The following EPB41L4A variants were observed in gnomAD, a reference collection of about 807,000 sequenced individuals.
EPB41L4A encodes band 4.1-like protein 4A.
In EPB41L4A, 100 loss-of-function variants were observed where a neutral mutation model predicts 108.6. The ratio of observed to expected loss-of-function variants is 0.92; its 90% CI spans 0.78 to 1.09. The LOEUF (loss-of-function observed/expected upper bound fraction) is 1.09. Ranked by LOEUF, EPB41L4A falls within the 50% of genes least tolerant of loss-of-function variation. EPB41L4A has a pLI of 0.00. For missense variants in EPB41L4A, 1,030 were observed against 842.7 expected, an observed-to-expected ratio of 1.22 and a Z score of -2.75; for synonymous variants, 319 against 289.0, an observed-to-expected ratio of 1.10 and a Z score of -1.05.
At chr5:112,226,001 C>T (rs1031395093) in intron 12 of EPB41L4A, among the ~76,000 whole-genome samples, 3 of 152,166 alleles carry the variant, frequency 2.0e-5, no homozygotes, top group African/African-American at 7.2e-5. Flanking sequence ...TAATGCTCAG[C>T]GATCATTAGT....
intron 1 of EPB41L4A, among the ~76,000 whole-genome samples, chr5:112,339,419 G>C (rs1757119121): frequency 1.3e-5 from 2 of 148,420 alleles, no homozygotes; most frequent in South Asian, 2.1e-4. Context: ...TAACAATACA[G>C]TAACAAATAA....
intron 3 of EPB41L4A, among the ~76,000 whole-genome samples, chr5:112,276,747 G>T (rs1460092782): frequency 3.3e-5 from 5 of 152,144 alleles, no homozygotes; most frequent in Admixed American, 2.0e-4. Flanking sequence ...AAGGTATCAT[G>T]TATTTATAAC....
At chr5:112,408,077 T>C (rs898952531) in intron 1 of EPB41L4A, among the ~76,000 whole-genome samples, 4 of 152,198 alleles carry the variant, frequency 2.6e-5, no homozygotes, top group East Asian at 1.9e-4. Flanking sequence ...ATCAATGGGA[T>C]AGAATTCAGA....
intron 12 of EPB41L4A, among the ~76,000 whole-genome samples, chr5:112,151,333 C>T (rs1328714279): frequency 6.7e-6 from 1 of 149,388 alleles, no homozygotes; most frequent in Non-Finnish European, 1.5e-5. Flanking sequence ...TAGCATCAGA[C>T]ATTTCTAAGG....
At chr5:112,197,270 A>G (rs934458896) in intron 15 of EPB41L4A, among the ~76,000 whole-genome samples, 1 of 152,152 alleles carries the variant, frequency 6.6e-6, no homozygotes, top group East Asian at 1.9e-4. Flanking sequence ...AAACTTTTGG[A>G]GAGTGGTGTC....
intron 12 of EPB41L4A, among the ~76,000 whole-genome samples, chr5:112,222,065 CCT>C (rs1407632449): frequency 1.3e-5 from 2 of 152,178 alleles, no homozygotes; most frequent in African/African-American, 2.4e-5. Context: ...TGCCTTTCCC[CCT>C]CTCTCTTGGC....
At chr5:112,277,172 G>A (rs1752676678) in intron 3 of EPB41L4A, among the ~76,000 whole-genome samples, 1 of 152,110 alleles carries the variant, frequency 6.6e-6, no homozygotes, top group Non-Finnish European at 1.5e-5. Context: ...TGTGCCCGCA[G>A]GCAGCTGGGG....
rs114796352 is a variant in EPB41L4A at position 112,206,690 on chromosome 5, T to C, written c.1179-1186A>G. Among the ~76,000 whole-genome samples the C allele has an allele frequency of 5.8e-3, 875 of 151,556 alleles. 3 individuals are homozygous for C. The highest frequency in any genetic ancestry group is 0.014 in the Middle Eastern group (4 of 294). On this transcript the variant is annotated intron_variant, in intron 13 of 22. Coordinates refer to ENST00000261486, the MANE Select transcript of EPB41L4A (RefSeq NM_022140.5). Reference sequence around the variant, plus strand: ...GGAGATAAAAGAGGAACTGAGAGAGTATACAAAAGTTAAAGAATAATAAAA... The same window carrying C: ...GGAGATAAAAGAGGAACTGAGAGAGCATACAAAAGTTAAAGAATAATAAAA...
rs1402210457 is a variant in EPB41L4A, at chr5:112,259,258, G to C, written c.766C>G (p.Gln256Glu). 1.2e-6 allele frequency: 2 copies of C among 1,613,792 alleles called. No individual in the cohort carries two copies. Among genetic ancestry groups the C allele is most frequent in the African/African-American group, 2.7e-5 (2 of 74,884 alleles). The stretch of plus-strand genomic sequence containing the variant: ...TTTCCCAGTACTCTGAGTTCAAATT[G>C]AGTCTCCTTGAAGTGAACCTTTGTA... ...RITKVHFKETQFELRVLGKDC... is the reference protein window; with the variant it reads ...RITKVHFKETEFELRVLGKDC... The change falls in exon 9 of 23, where the codon CAA becomes GAA. Residue 256 changes from glutamine (Q) to glutamate (E), a missense_variant. By Grantham distance (29) the Gln-to-Glu change is conservative. Transcript: ENST00000261486.
chr5:112,184,044 T>G lies in EPB41L4A; in HGVS notation c.1594A>C (p.Asn532His), dbSNP rs753114972. The change falls in exon 18 of 23, where the codon AAC becomes CAC. Residue 532 changes from asparagine to histidine, a missense_variant. Asn to His is a moderately conservative substitution (Grantham distance 68, BLOSUM62 1). Transcript: ENST00000261486. ...CGAGATCTGTGTCTGGATCGCCTGTTGTTGGGGTCGGCTTGGTTTTTTTCC... is the reference window on the plus strand; with the variant it reads ...CGAGATCTGTGTCTGGATCGCCTGTGGTTGGGGTCGGCTTGGTTTTTTTCC... ...QKEKNQADPN[N>H]RRSRHRSRSR... 3 of 1,614,106 alleles carry G rather than the reference T, an allele frequency of 1.9e-6. No individual in the cohort carries two copies. Among genetic ancestry groups the G allele is most frequent in the Non-Finnish European group, 2.5e-6 (3 of 1,179,966 alleles).
At chr5:112,284,554 A>T (rs182136612) in intron 2 of EPB41L4A, among the ~76,000 whole-genome samples, 63 of 152,222 alleles carry the variant, frequency 4.1e-4, no homozygotes, top group African/African-American at 1.5e-3. Context: ...CTCCTATTTC[A>T]AATGTATACT....
At chr5:112,244,757 G>A (rs781311465) in intron 9 of EPB41L4A, among the ~76,000 whole-genome samples, 16 of 152,162 alleles carry the variant, frequency 1.1e-4, no homozygotes, top group Non-Finnish European at 2.1e-4. Flanking sequence ...TTTTGAAAAT[G>A]TCTAGTCCTT....
intron 1 of EPB41L4A, among the ~76,000 whole-genome samples, chr5:112,312,524 A>G (rs72781678): frequency 0.15 from 22,610 of 151,906 alleles, 1,898 homozygotes; most frequent in African/African-American, 0.22. Flanking sequence ...AGGCACCTGG[A>G]GCAGGGCCAG....
Position 112,188,041 on chromosome 5 carries a change from C to G in EPB41L4A, c.1503-3906G>C, listed in dbSNP as rs543595948. On this transcript the variant is annotated intron_variant, in intron 17 of 22. Transcript: ENST00000261486. ...TCTCTATTTGTATTTTATTTCCAAA[C>G]CAGACAGACACACTGAAAGAAACTT... 3.9e-5 allele frequency among the ~76,000 whole-genome samples: 6 copies of G among 152,302 alleles called. No individual in the cohort carries two copies. The South Asian group carries it at 1.2e-3, about 32-fold the overall frequency.
intron 1 of EPB41L4A, among the ~76,000 whole-genome samples, chr5:112,413,144 T>C (rs1241468409): frequency 6.6e-6 from 1 of 152,232 alleles, no homozygotes; most frequent in East Asian, 1.9e-4. Context: ...AATATGCTCT[T>C]CTTCGGAAAG....
chr5:112,334,107 A>C (rs531476321), intron 1 of EPB41L4A, among the ~76,000 whole-genome samples: 11 of 152,292 alleles, frequency 7.2e-5, no homozygotes, highest in African/African-American at 2.6e-4. Context: ...GTTCAGGCAC[A>C]CAGCCAACCA....
At chr5:112,203,244 T>A (rs562365834) in intron 15 of EPB41L4A, among the ~76,000 whole-genome samples, 1 of 152,030 alleles carries the variant, frequency 6.6e-6, no homozygotes, top group Admixed American at 6.6e-5. Context: ...TAATCCCAGC[T>A]ACTCAGGGGG....
intron 1 of EPB41L4A, among the ~76,000 whole-genome samples, chr5:112,376,076 A>T (rs1311972749): frequency 6.6e-6 from 1 of 152,232 alleles, no homozygotes; most frequent in African/African-American, 2.4e-5. Flanking sequence ...AAACCCTAGG[A>T]AGAGGATTAA....
intron 21 of EPB41L4A, 21 bp downstream of exon 21, chr5:112,168,973 GT>G: frequency 6.4e-7 from 1 of 1,568,544 alleles, no homozygotes; most frequent in Non-Finnish European, 8.8e-7. Context: ...TGGTGATGGT[GT>G]ACTCTGGCCT....
Sources: allele counts gnomAD v4.1 joint callset (sites outside exome capture counted in the v4.1 genomes callset), GRCh38; gene constraint gnomAD v4.1.1; transcripts MANE v1.5; gene names NCBI Gene and HGNC (gene_info 2026-07-23, HGNC 2026-07-21).